DIAPH2: variants seen among roughly 807,000 people sequenced by gnomAD.
DIAPH2 encodes diaphanous related formin 2, also known as protein diaphanous homolog 2.
DIAPH2 carries 35 observed loss-of-function variants against 92.7 expected under a neutral mutation model. The observed-to-expected ratio is 0.38, with a 90% confidence interval of 0.29 to 0.50. DIAPH2 has a LOEUF of 0.50. Among genes scored for constraint, DIAPH2 ranks in the 20% least tolerant of loss-of-function variants. DIAPH2 has a pLI of 0.94. For synonymous variants in DIAPH2, 301 were observed against 280.4 expected, an observed-to-expected ratio of 1.07 and a Z score of -0.73; for missense variants, 701 against 819.5, an observed-to-expected ratio of 0.86 and a Z score of 1.77.
At chrX:97,275,696 G>A in intron 23 of DIAPH2, among the ~76,000 whole-genome samples, 1 of 106,719 alleles carries the variant, frequency 9.4e-6, no homozygotes, top group Non-Finnish European at 1.9e-5. Context: ...CGGGGCAGAG[G>A]CACTCCCCAC....
At chrX:97,467,540 AGCCTTTT>A (rs1323339325) in intron 26 of DIAPH2, among the ~76,000 whole-genome samples, 19 of 112,156 alleles carry the variant, frequency 1.7e-4, no homozygotes, top group African/African-American at 6.1e-4. Flanking sequence ...TTCCTGCCCC[AGCCTTTT>A]GTCTCATCTT....
At chrX:97,059,977 G>C (rs950051622) in intron 17 of DIAPH2, among the ~76,000 whole-genome samples, 1 of 112,351 alleles carries the variant, frequency 8.9e-6, no homozygotes, top group Non-Finnish European at 1.9e-5. Flanking sequence ...TGATATTTTA[G>C]TAAAATTTTC....
chrX:97,222,434 C>G (rs1412068644), intron 22 of DIAPH2, among the ~76,000 whole-genome samples: 3 of 111,901 alleles, frequency 2.7e-5, no homozygotes, highest in African/African-American at 9.8e-5. Context: ...AAATTCCTGA[C>G]CTCAGGTGAT....
At chrX:97,537,178 G>A (rs769835338) in intron 26 of DIAPH2, among the ~76,000 whole-genome samples, 1 of 111,245 alleles carries the variant, frequency 9.0e-6, no homozygotes, top group Non-Finnish European at 1.9e-5. Flanking sequence ...AGGAGGATAG[G>A]GAGGTATTTC....
chrX:97,454,141 T>C (rs906260063), intron 26 of DIAPH2: 3 of 112,131 alleles, frequency 2.7e-5, no homozygotes, highest in African/African-American at 9.7e-5. Flanking sequence ...TCAAAATCTA[T>C]TTATTATGTT....
chrX:97,585,071 C>T (rs191077718), intron 26 of DIAPH2, among the ~76,000 whole-genome samples: 4 of 111,529 alleles, frequency 3.6e-5, no homozygotes, highest in East Asian at 2.8e-4. Flanking sequence ...TTGGCTTTTA[C>T]GTAATATAAA....
intron 17 of DIAPH2, among the ~76,000 whole-genome samples, chrX:97,013,749 G>A (rs1335482724): frequency 8.9e-6 from 1 of 112,308 alleles, no homozygotes; most frequent in Non-Finnish European, 1.9e-5. Context: ...TGGTGCACTT[G>A]CAGGGTGATG....
intron 4 of DIAPH2, among the ~76,000 whole-genome samples, chrX:96,811,946 A>G (rs1424555515): frequency 9.0e-6 from 1 of 111,708 alleles, no homozygotes; most frequent in African/African-American, 3.3e-5. Context: ...GGATTTTTGC[A>G]TCGATGTTCA....
chrX:97,011,136 G>A (rs1379403931), intron 17 of DIAPH2, among the ~76,000 whole-genome samples: 3 of 112,077 alleles, frequency 2.7e-5, no homozygotes, highest in African/African-American at 9.7e-5. Context: ...ATATGTTCCT[G>A]TTATCCTTTT....
chrX:97,231,550 A>G (rs981716129), intron 22 of DIAPH2, among the ~76,000 whole-genome samples: 3 of 111,656 alleles, frequency 2.7e-5, no homozygotes, highest in Non-Finnish European at 5.6e-5. Flanking sequence ...TAACTTATGA[A>G]TTCAATGAAA....
chrX:97,515,615 A>G (rs1336117092), intron 26 of DIAPH2, among the ~76,000 whole-genome samples: 5 of 110,820 alleles, frequency 4.5e-5, no homozygotes, highest in African/African-American at 6.5e-5. Flanking sequence ...CAAAGGGGAT[A>G]TGATCTAATA....
At chrX:97,477,638 A>ATATG (rs1556134156) in intron 26 of DIAPH2, among the ~76,000 whole-genome samples, 4 of 109,925 alleles carry the variant, frequency 3.6e-5, no homozygotes, top group African/African-American at 1.3e-4. Flanking sequence ...ATATATATAT[A>ATATG]TGTGTGTGTG....
rs1311988587 is a variant in DIAPH2, at chrX:97,293,491, TCTGC to T, written c.2844+45654_2844+45657del. On this transcript the variant is annotated intron_variant, in intron 23 of 26. Coordinates refer to ENST00000324765, the MANE Select transcript of DIAPH2 (RefSeq NM_006729.5). The stretch of plus-strand genomic sequence containing the variant: ...TGGTCTCTGTCTCCTGACCTCGTAA[TCTGC>T]CCACCTTGGCCTCCCAAAGTGTTGG... Among the ~76,000 whole-genome samples, 4 of 110,739 alleles carry T rather than the reference TCTGC, an allele frequency of 3.6e-5. No homozygotes were observed. In the Admixed American group the frequency reaches 3.9e-4, roughly 11 times the overall value.
intron 17 of DIAPH2, among the ~76,000 whole-genome samples, chrX:97,045,879 A>G (rs1602743959): frequency 1.2e-5 from 1 of 85,380 alleles, no homozygotes; most frequent in African/African-American, 5.0e-5. Flanking sequence ...TTTGAGACAG[A>G]GTCTCTATAG....
intron 25 of DIAPH2, among the ~76,000 whole-genome samples, chrX:97,385,976 A>G (rs2069595900): frequency 8.9e-6 from 1 of 111,930 alleles, no homozygotes; most frequent in African/African-American, 3.2e-5. Flanking sequence ...GTTAATTATT[A>G]TTATGTGTTT....
intron 22 of DIAPH2, among the ~76,000 whole-genome samples, chrX:97,156,251 T>C (rs1442551057): frequency 1.8e-5 from 2 of 112,259 alleles, no homozygotes; most frequent in African/African-American, 3.2e-5. Flanking sequence ...GAGTTACAGT[T>C]GGTCCAGTAC....
At chrX:97,591,182 A>C (rs889896912) in intron 26 of DIAPH2, among the ~76,000 whole-genome samples, 5 of 111,874 alleles carry the variant, frequency 4.5e-5, no homozygotes, top group Admixed American at 2.8e-4. Context: ...CTTCTTGTTG[A>C]AATCCCCCTA....
At chrX:97,369,174 C>T (rs1163524633) in intron 24 of DIAPH2, among the ~76,000 whole-genome samples, 2 of 111,612 alleles carry the variant, frequency 1.8e-5, no homozygotes, top group African/African-American at 6.5e-5. Flanking sequence ...TCCCACAGTG[C>T]TGGGATTACA....
chrX:96,874,943 C>T (rs188715895), intron 4 of DIAPH2, among the ~76,000 whole-genome samples: 3 of 111,644 alleles, frequency 2.7e-5, no homozygotes, highest in African/African-American at 6.5e-5. Flanking sequence ...AATCCAAAAT[C>T]GAAAATGCTC....
Sources: allele counts gnomAD v4.1 joint callset (sites outside exome capture counted in the v4.1 genomes callset), GRCh38; gene constraint gnomAD v4.1.1; transcripts MANE v1.5; gene names NCBI Gene and HGNC (gene_info 2026-07-23, HGNC 2026-07-21).